Variants in RBFOX1 observed in about 807,000 individuals in gnomAD.
The protein encoded by RBFOX1 is RNA binding fox-1 homolog 1, also known as RNA binding protein fox-1 homolog 1.
In RBFOX1, 8 loss-of-function variants were observed where a neutral mutation model predicts 57.7. The ratio of observed to expected loss-of-function variants is 0.14; its 90% CI spans 0.08 to 0.25. RBFOX1 has a LOEUF of 0.25. Ranked by LOEUF, RBFOX1 falls within the 10% of genes least tolerant of loss-of-function variation. RBFOX1 has a pLI of 1.00. For synonymous variants in RBFOX1, 326 were observed against 222.4 expected (o/e 1.47, Z -4.15); for missense variants, 611 against 548.5 (o/e 1.11, Z -1.14).
intron 4 of RBFOX1, among the ~76,000 whole-genome samples, chr16:7,145,398 G>C (rs887751959): frequency 6.6e-6 from 1 of 152,004 alleles, no homozygotes; most frequent in African/African-American, 2.4e-5. Context: ...ATACAGACGG[G>C]GTTTCACCAT....
intron 2 of RBFOX1, among the ~76,000 whole-genome samples, chr16:6,435,539 G>A (rs988023864): frequency 5.3e-5 from 8 of 152,012 alleles, no homozygotes; most frequent in Non-Finnish European, 8.8e-5. Context: ...CCTTACCTTC[G>A]GTGATCCACT....
intron 1 of RBFOX1, among the ~76,000 whole-genome samples, chr16:6,283,099 G>A (rs938194642): frequency 2.6e-5 from 4 of 152,178 alleles, no homozygotes; most frequent in Admixed American, 6.5e-5. Flanking sequence ...GGCCAAGGCA[G>A]GAGGATCACT....
At chr16:6,545,115 C>G (rs1010341251) in intron 2 of RBFOX1, among the ~76,000 whole-genome samples, 1 of 152,136 alleles carries the variant, frequency 6.6e-6, no homozygotes. Context: ...CAAATGATAT[C>G]TAAAAATCCG....
intron 4 of RBFOX1, among the ~76,000 whole-genome samples, chr16:7,427,967 C>G (rs1339096562): frequency 6.6e-6 from 1 of 152,162 alleles, no homozygotes. Context: ...TGAACATACT[C>G]CGTGCCCCCA....
At chr16:7,364,364 A>G (rs1030849916) in intron 4 of RBFOX1, among the ~76,000 whole-genome samples, 8 of 151,812 alleles carry the variant, frequency 5.3e-5, no homozygotes, top group African/African-American at 1.7e-4. Flanking sequence ...CCTTTTTAAG[A>G]GGAAAAAAAA....
intron 3 of RBFOX1, among the ~76,000 whole-genome samples, chr16:6,858,988 C>T (rs1034406283): frequency 1.3e-5 from 2 of 150,996 alleles, no homozygotes; most frequent in Non-Finnish European, 2.9e-5. Flanking sequence ...CACATTTTAG[C>T]TTAGCTGACC....
chr16:6,278,412 A>T (rs865787101), intron 1 of RBFOX1, among the ~76,000 whole-genome samples: 2,230 of 112,294 alleles, frequency 0.02, 87 homozygotes, highest in African/African-American at 0.061. Flanking sequence ...AAAAAAAAAA[A>T]TAGAGGCACA....
intron 3 of RBFOX1, among the ~76,000 whole-genome samples, chr16:6,725,857 AGT>A (rs1163241515): frequency 6.6e-6 from 1 of 152,142 alleles, no homozygotes; most frequent in Non-Finnish European, 1.5e-5. Context: ...TTTTTCCAGC[AGT>A]GTTTCTCATT....
chr16:6,221,188 A>C (rs2097371023), intron 1 of RBFOX1, among the ~76,000 whole-genome samples: 1 of 152,202 alleles, frequency 6.6e-6, no homozygotes, highest in East Asian at 1.9e-4. Flanking sequence ...CTTACTTTTC[A>C]AAAGGGTCAT....
chr16:7,067,470 A>G (rs540492089), intron 4 of RBFOX1, among the ~76,000 whole-genome samples: 1 of 146,792 alleles, frequency 6.8e-6, no homozygotes, highest in African/African-American at 2.5e-5. Context: ...TATCATTCTG[A>G]TTGCAGTCAG....
intron 14 of RBFOX1, among the ~76,000 whole-genome samples, chr16:7,701,800 C>G (rs535168883): frequency 6.6e-6 from 1 of 152,226 alleles, no homozygotes; most frequent in African/African-American, 2.4e-5. Context: ...AAGTCCAGAA[C>G]TCAGTTGACC....
chr16:6,122,690 A>G (rs998138707), intron 1 of RBFOX1, among the ~76,000 whole-genome samples: 2 of 151,958 alleles, frequency 1.3e-5, no homozygotes, highest in Admixed American at 1.3e-4. Context: ...TCCCTTATTG[A>G]AGGGGAAAGG....
At chr16:6,731,395 C>G (rs1292088236) in intron 3 of RBFOX1, among the ~76,000 whole-genome samples, 1 of 152,088 alleles carries the variant, frequency 6.6e-6, no homozygotes, top group Non-Finnish European at 1.5e-5. Context: ...GGATCAGTGA[C>G]CTCACATCTC....
chr16:6,438,101 A>G (rs2795567), intron 2 of RBFOX1, among the ~76,000 whole-genome samples: 52,932 of 152,082 alleles, frequency 0.35, 10,659 homozygotes, highest in African/African-American at 0.55. Flanking sequence ...CTGATGTCTC[A>G]TCAAAGACCT....
intron 3 of RBFOX1, among the ~76,000 whole-genome samples, chr16:6,883,529 C>T (rs1301174514): frequency 6.6e-6 from 1 of 152,212 alleles, no homozygotes; most frequent in Non-Finnish European, 1.5e-5. Context: ...GTAAAGGGAT[C>T]TTCCTAAACG....
At chr16:7,165,362 T>C (rs1048495244) in intron 4 of RBFOX1, among the ~76,000 whole-genome samples, 3 of 146,108 alleles carry the variant, frequency 2.1e-5, no homozygotes, top group Admixed American at 1.4e-4. Flanking sequence ...TAATGGCTAC[T>C]AGAGGCCCAG....
At chr16:7,215,121 A>T (rs1038479897) in intron 4 of RBFOX1, among the ~76,000 whole-genome samples, 14 of 152,046 alleles carry the variant, frequency 9.2e-5, no homozygotes, top group African/African-American at 3.4e-4. Flanking sequence ...ATGTGTTCTC[A>T]TTGTTCAACT....
chr16:6,095,839 T>A (rs2096239343), intron 1 of RBFOX1, among the ~76,000 whole-genome samples: 1 of 151,986 alleles, frequency 6.6e-6, no homozygotes, highest in South Asian at 2.1e-4. Context: ...CTGTGACAAA[T>A]ATGAAGGTAG....
At chr16:6,424,877 A>C (rs866951637) in intron 2 of RBFOX1, among the ~76,000 whole-genome samples, 55 of 152,308 alleles carry the variant, frequency 3.6e-4, no homozygotes, top group African/African-American at 1.2e-3. Context: ...CAAGTTATAC[A>C]ACACTATTTG....
Sources: gnomAD v4.1 joint callset for allele counts (sites outside exome capture counted in the v4.1 genomes callset) on GRCh38, gnomAD v4.1.1 for gene constraint, MANE v1.5 for transcripts, NCBI Gene and HGNC (gene_info 2026-07-23, HGNC 2026-07-21) for gene names.